OTOGL: variants seen among roughly 807,000 people sequenced by gnomAD.
OTOGL encodes otogelin like.
Under a neutral mutation model 318.5 loss-of-function variants are expected in OTOGL, and 285 were observed. The ratio of observed to expected loss-of-function variants is 0.89; its 90% confidence interval spans 0.81 to 0.99. The LOEUF is 0.99. OTOGL is among the 50% of genes least tolerant of loss of function. The pLI is 0.00. For synonymous variants in OTOGL, 987 were observed against 936.5 expected, an observed-to-expected ratio of 1.05 and a Z score of -0.99; for missense variants, 2,899 against 2,845.6, an observed-to-expected ratio of 1.02 and a Z score of -0.43.
intron 1 of OTOGL, among the ~76,000 whole-genome samples, chr12:80,167,839 T>A (rs1873924948): frequency 3.9e-5 from 6 of 152,078 alleles, no homozygotes; most frequent in Admixed American, 3.9e-4. Context: ...GGAAAATAAG[T>A]GCAAAAAGCC....
intron 30 of OTOGL, among the ~76,000 whole-genome samples, chr12:80,312,083 T>A (rs1386860574): frequency 6.6e-6 from 1 of 152,246 alleles, no homozygotes; most frequent in East Asian, 1.9e-4. Flanking sequence ...GATGTGTTTT[T>A]AGATTTCACA....
At chr12:80,261,326 A>C (rs1882508085) in intron 18 of OTOGL, among the ~76,000 whole-genome samples, 1 of 152,252 alleles carries the variant, frequency 6.6e-6, no homozygotes, top group African/African-American at 2.4e-5. Flanking sequence ...TGATGAATGA[A>C]TACATCTGAA....
At chr12:80,252,480 CA>C (rs1435180798) in intron 13 of OTOGL, among the ~76,000 whole-genome samples, 1 of 152,022 alleles carries the variant, frequency 6.6e-6, no homozygotes, top group Non-Finnish European at 1.5e-5. Flanking sequence ...TGGTATTTAA[CA>C]ATTTATATAT....
intron 1 of OTOGL, among the ~76,000 whole-genome samples, chr12:80,165,668 T>G (rs2137203414): frequency 6.6e-6 from 1 of 152,354 alleles, no homozygotes. Context: ...GCCTGAGGTT[T>G]GGCAGTGGCT....
At chr12:80,254,984 C>T in intron 15 of OTOGL, 56 bp from the exon 16 acceptor site, 1 of 1,335,366 alleles carries the variant, frequency 7.5e-7, no homozygotes, top group Non-Finnish European at 9.7e-7. Context: ...TCCTCTCTCT[C>T]CTCCTCTATC....
chr12:80,239,069 C>T (rs939468626), intron 10 of OTOGL, 91 bp downstream of exon 10: 3 of 1,327,030 alleles, frequency 2.3e-6, no homozygotes, highest in African/African-American at 3.0e-5. Flanking sequence ...AGTGTAAACA[C>T]AACATAATTT....
At chr12:80,211,150 A>G (rs1877222820) in intron 3 of OTOGL, among the ~76,000 whole-genome samples, 1 of 152,032 alleles carries the variant, frequency 6.6e-6, no homozygotes, top group South Asian at 2.1e-4. Context: ...GACTGTTGGT[A>G]CTAAAAAGAT....
At chr12:80,286,915 G>T (rs1884675011) in intron 26 of OTOGL, among the ~76,000 whole-genome samples, 1 of 152,018 alleles carries the variant, frequency 6.6e-6, no homozygotes, top group African/African-American at 2.4e-5. Context: ...GTTATTTCTT[G>T]TCTTCTGCTA....
chr12:80,266,410 G>A (rs369674005), intron 20 of OTOGL, 41 bp from the exon 21 acceptor site: 21 of 1,601,892 alleles, frequency 1.3e-5, no homozygotes, highest in Non-Finnish European at 1.7e-5. Flanking sequence ...GTTTCTATGT[G>A]CCATGGCAAT....
chr12:80,109,962 A>T (rs140054513), intron 1 of OTOGL, among the ~76,000 whole-genome samples: 1 of 152,042 alleles, frequency 6.6e-6, no homozygotes, highest in Non-Finnish European at 1.5e-5. Context: ...AAGTTCTGGG[A>T]TACATGTGCA....
In OTOGL at chr12:80,267,238, T is replaced by C; in HGVS notation, c.2391-15T>C. On this transcript the variant is annotated splice_polypyrimidine_tract_variant and intron_variant, in intron 21 of 58. Transcript: ENST00000547103. ...AAAAATTGTATCCTATTTACTTTAC[T>C]TTTTCTTCGTATAGATTCCACTGCC... 1 of 1,485,334 alleles carries C rather than the reference T, an allele frequency of 6.7e-7. No homozygotes were observed. The highest frequency in any genetic ancestry group is 9.2e-7 in the Non-Finnish European group (1 of 1,089,834). 92.0% of individuals were successfully genotyped at this position (1,485,334 alleles called of 1,614,324 possible).
intron 1 of OTOGL, among the ~76,000 whole-genome samples, chr12:80,137,581 C>G (rs1391619806): frequency 6.6e-6 from 1 of 152,064 alleles, no homozygotes; most frequent in Non-Finnish European, 1.5e-5. Context: ...ATAATTAATG[C>G]CTACCAGATT....
At chr12:80,321,076 G>A (rs2037531344) in intron 34 of OTOGL, among the ~76,000 whole-genome samples, 1 of 152,068 alleles carries the variant, frequency 6.6e-6, no homozygotes, top group African/African-American at 2.4e-5. Context: ...TTCCTAGAAG[G>A]CAACTCTAAT....
chr12:80,231,464 A>T (rs1227692487), intron 8 of OTOGL, among the ~76,000 whole-genome samples: 1 of 152,096 alleles, frequency 6.6e-6, no homozygotes, highest in Non-Finnish European at 1.5e-5. Flanking sequence ...TTTGTTAATT[A>T]GTATGCTCAG....
intron 1 of OTOGL, among the ~76,000 whole-genome samples, chr12:80,153,229 G>A (rs1444702171): frequency 6.6e-6 from 1 of 152,092 alleles, no homozygotes; most frequent in Non-Finnish European, 1.5e-5. Flanking sequence ...TGTCTGATGA[G>A]GGCACGTTTT....
intron 1 of OTOGL, among the ~76,000 whole-genome samples, chr12:80,137,934 C>T (rs1306103987): frequency 1.3e-5 from 2 of 152,056 alleles, no homozygotes; most frequent in African/African-American, 2.4e-5. Flanking sequence ...TTTGGAGTCT[C>T]CTAGCCTTTT....
chr12:80,303,044 A>G (rs767819534), intron 28 of OTOGL, among the ~76,000 whole-genome samples: 4 of 152,214 alleles, frequency 2.6e-5, no homozygotes, highest in Admixed American at 6.5e-5. Context: ...TCTTCAGCTT[A>G]ATTATGTGAT....
intron 26 of OTOGL, among the ~76,000 whole-genome samples, chr12:80,280,131 C>T (rs1288267596): frequency 6.6e-6 from 1 of 151,646 alleles, no homozygotes; most frequent in Non-Finnish European, 1.5e-5. Context: ...GTCCTTTGCC[C>T]ATTTCTAATG....
At chr12:80,250,066 G>T (rs1881388477) in intron 11 of OTOGL, among the ~76,000 whole-genome samples, 1 of 151,966 alleles carries the variant, frequency 6.6e-6, no homozygotes, top group Non-Finnish European at 1.5e-5. Context: ...CCACTGTCTG[G>T]CACTCCCTAG....
Sources: allele counts gnomAD v4.1 joint callset (sites outside exome capture counted in the v4.1 genomes callset), GRCh38; gene constraint gnomAD v4.1.1; transcripts MANE v1.5; gene names NCBI Gene and HGNC (gene_info 2026-07-23, HGNC 2026-07-21).